ADAMTSL1: variants seen among roughly 807,000 people sequenced by gnomAD.
ADAMTSL1 encodes the protein ADAMTS-like protein 1.
ADAMTSL1 carries 126 observed loss-of-function variants against 201.8 expected under a neutral mutation model. The observed-to-expected ratio is 0.62, with a 90% CI of 0.54 to 0.72. The LOEUF (loss-of-function observed/expected upper bound fraction) is 0.72. ADAMTSL1 is among the 30% of genes least tolerant of loss of function. The pLI is 0.00. For missense variants in ADAMTSL1, 2,679 were observed against 2,277.8 expected, an observed-to-expected ratio of 1.18 and a Z score of -3.59; for synonymous variants, 1,121 against 903.4, an observed-to-expected ratio of 1.24 and a Z score of -4.32.
intron 2 of ADAMTSL1, among the ~76,000 whole-genome samples, chr9:18,516,085 A>C: frequency 9.0e-6 from 1 of 111,542 alleles, no homozygotes; most frequent in African/African-American, 3.3e-5. Context: ...CACCTCAACT[A>C]CCAAAAAAAA....
At chr9:18,228,834 GTT>G (rs984230350) in intron 2 of ADAMTSL1, among the ~76,000 whole-genome samples, 2 of 140,428 alleles carry the variant, frequency 1.4e-5, no homozygotes, top group Non-Finnish European at 1.6e-5. Context: ...GTGATTCAGA[GTT>G]TTTTTGTTTT....
At chr9:18,828,242 G>A (rs1824717126) in intron 22 of ADAMTSL1, among the ~76,000 whole-genome samples, 1 of 152,160 alleles carries the variant, frequency 6.6e-6, no homozygotes, top group Non-Finnish European at 1.5e-5. Context: ...GTTTTCCTGG[G>A]AAGAGCAAAT....
At chr9:18,313,925 A>G (rs1246434923) in intron 2 of ADAMTSL1, among the ~76,000 whole-genome samples, 2 of 152,196 alleles carry the variant, frequency 1.3e-5, no homozygotes, top group Non-Finnish European at 1.5e-5. Flanking sequence ...TTTGCAAACC[A>G]TATATCTGAT....
At chr9:18,530,255 G>A (rs1324548313) in intron 2 of ADAMTSL1, among the ~76,000 whole-genome samples, 1 of 152,014 alleles carries the variant, frequency 6.6e-6, no homozygotes, top group Non-Finnish European at 1.5e-5. Context: ...TTATGCAAGT[G>A]GAAGAACAAA....
chr9:18,103,340 T>A (rs1174977454), intron 1 of ADAMTSL1, among the ~76,000 whole-genome samples: 1 of 152,158 alleles, frequency 6.6e-6, no homozygotes, highest in Non-Finnish European at 1.5e-5. Flanking sequence ...ACATGCTACA[T>A]ATATTGTTAG....
At chr9:17,928,011 T>C (rs1268073429) in intron 1 of ADAMTSL1, among the ~76,000 whole-genome samples, 1 of 147,430 alleles carries the variant, frequency 6.8e-6, no homozygotes, top group Non-Finnish European at 1.5e-5. Flanking sequence ...TTTTTTTTTT[T>C]TGAGACAGGG....
chr9:18,399,322 TA>T (rs1563934794), intron 2 of ADAMTSL1, among the ~76,000 whole-genome samples: 7 of 127,674 alleles, frequency 5.5e-5, no homozygotes, highest in African/African-American at 1.8e-4. Context: ...TATATATATA[TA>T]TATATAAAAT....
intron 1 of ADAMTSL1, among the ~76,000 whole-genome samples, chr9:18,494,637 T>A (rs1403988523): frequency 6.6e-6 from 1 of 152,198 alleles, no homozygotes; most frequent in Non-Finnish European, 1.5e-5. Context: ...GAATCTAGAA[T>A]GTTGATTTAG....
At chr9:18,340,626 G>A (rs149890271) in intron 2 of ADAMTSL1, among the ~76,000 whole-genome samples, 2,394 of 152,232 alleles carry the variant, frequency 0.016, 60 homozygotes, top group African/African-American at 0.055. Context: ...GGGACCAGGT[G>A]GGAGGTAATT....
At chr9:18,178,075 C>T (rs930183541) in intron 2 of ADAMTSL1, among the ~76,000 whole-genome samples, 12 of 152,290 alleles carry the variant, frequency 7.9e-5, no homozygotes, top group South Asian at 2.1e-4. Context: ...GCATGAGCGA[C>T]GCAGAAGAAG....
intron 23 of ADAMTSL1, among the ~76,000 whole-genome samples, chr9:18,830,745 T>G (rs1218224256): frequency 1.3e-5 from 2 of 151,862 alleles, no homozygotes; most frequent in Admixed American, 1.3e-4. Flanking sequence ...GGTGGGGAAA[T>G]AGGCCTATAC....
At chr9:18,845,331 G>T (rs1171394727) in intron 23 of ADAMTSL1, among the ~76,000 whole-genome samples, 2 of 152,240 alleles carry the variant, frequency 1.3e-5, no homozygotes, top group Non-Finnish European at 2.9e-5. Context: ...TTTACCAAGA[G>T]GAGGAAGATG....
In ADAMTSL1 at chr9:18,474,189, C is replaced by G. The variant is rs756005447; in HGVS notation, c.-44C>G. 29 of 1,597,854 alleles carry G rather than the reference C, an allele frequency of 1.8e-5. No homozygotes were observed. The highest frequency in any genetic ancestry group is 2.2e-5 in the Non-Finnish European group (26 of 1,165,836). ...TGACAGCAGGCAGAGGAGCACTTAGCAGCTTATTCAGTGTCCGATTCTGAT... is the reference window on the plus strand; with the variant it reads ...TGACAGCAGGCAGAGGAGCACTTAGGAGCTTATTCAGTGTCCGATTCTGAT... On this transcript the variant is annotated 5_prime_UTR_variant, in exon 1 of 29. Coordinates refer to ENST00000380548, the MANE Select transcript of ADAMTSL1 (RefSeq NM_001040272.6).
chr9:18,233,499 T>G (rs551695733), intron 2 of ADAMTSL1, among the ~76,000 whole-genome samples: 1 of 152,230 alleles, frequency 6.6e-6, no homozygotes, highest in South Asian at 2.1e-4. Flanking sequence ...TCATCTAATA[T>G]ATCGGATGCC....
intron 13 of ADAMTSL1, among the ~76,000 whole-genome samples, chr9:18,701,911 T>C (rs182568002): frequency 7.2e-5 from 11 of 152,324 alleles, no homozygotes; most frequent in Non-Finnish European, 1.6e-4. Flanking sequence ...TTACTCCATT[T>C]TCACATTGCT....
At chr9:18,303,072 G>A (rs577926511) in intron 2 of ADAMTSL1, among the ~76,000 whole-genome samples, 13 of 152,182 alleles carry the variant, frequency 8.5e-5, no homozygotes, top group South Asian at 4.1e-4. Context: ...TTAAATAATC[G>A]AAAAGATAGA....
chr9:18,905,968 TCCTCCAA>T, intron 27 of ADAMTSL1, 77 bp downstream of exon 27: 1 of 1,296,216 alleles, frequency 7.7e-7, no homozygotes, highest in Non-Finnish European at 1.1e-6. Flanking sequence ...TGAATGTTTC[TCCTCCAA>T]CTAACTTACC....
chr9:18,414,126 T>C (rs1239217275), intron 2 of ADAMTSL1, among the ~76,000 whole-genome samples: 2 of 152,222 alleles, frequency 1.3e-5, no homozygotes, highest in Non-Finnish European at 2.9e-5. Flanking sequence ...ATGAGTGTAA[T>C]AACGTCTCTA....
At chr9:18,827,941 A>G (rs1824686677) in intron 22 of ADAMTSL1, among the ~76,000 whole-genome samples, 1 of 152,226 alleles carries the variant, frequency 6.6e-6, no homozygotes, top group Non-Finnish European at 1.5e-5. Context: ...GTACTTTATG[A>G]ACATCAAAGC....
Sources: allele counts gnomAD v4.1 joint callset (sites outside exome capture counted in the v4.1 genomes callset), GRCh38; gene constraint gnomAD v4.1.1; transcripts MANE v1.5; gene names NCBI Gene and HGNC (gene_info 2026-07-23, HGNC 2026-07-21).